PEBP4: variants seen among roughly 807,000 people sequenced by gnomAD.
PEBP4 encodes the protein phosphatidylethanolamine binding protein 4.
PEBP4 carries 22 observed loss-of-function variants against 23.9 expected under a neutral mutation model. The ratio of observed to expected loss-of-function variants is 0.92; its 90% CI spans 0.66 to 1.31. PEBP4 has a LOEUF of 1.31. Ranked by LOEUF, PEBP4 falls within the 40% of genes most tolerant of loss-of-function variation. The pLI, the probability that PEBP4 is intolerant of heterozygous loss-of-function variation, is 0.00. For synonymous variants in PEBP4, 112 were observed against 99.3 expected, an observed-to-expected ratio of 1.13 and a Z score of -0.76; for missense variants, 324 against 281.7, an observed-to-expected ratio of 1.15 and a Z score of -1.07.
chr8:22,762,130 G>A (rs570501845), intron 4 of PEBP4, among the ~76,000 whole-genome samples: 17 of 152,066 alleles, frequency 1.1e-4, no homozygotes, highest in Admixed American at 2.6e-4. Flanking sequence ...AAAAAAATGG[G>A]TGAAACAATA....
intron 3 of PEBP4, among the ~76,000 whole-genome samples, chr8:22,910,023 G>T (rs2457421): frequency 0.81 from 123,685 of 152,096 alleles, 53,322 homozygotes; most frequent in East Asian, 0.97. Context: ...ACTAATGTCC[G>T]CCAGGTTGTG....
At chr8:22,777,574 C>G (rs1447063487) in intron 4 of PEBP4, among the ~76,000 whole-genome samples, 1 of 152,148 alleles carries the variant, frequency 6.6e-6, no homozygotes, top group Non-Finnish European at 1.5e-5. Flanking sequence ...GGACACTTAC[C>G]CCCTGGCTGC....
chr8:22,896,051 T>C (rs1372371984), intron 3 of PEBP4: 2 of 152,228 alleles, frequency 1.3e-5, no homozygotes, highest in South Asian at 2.1e-4. Flanking sequence ...GTTGCTGGTA[T>C]TGTGGTTGGA....
intron 4 of PEBP4, among the ~76,000 whole-genome samples, chr8:22,738,617 A>G (rs1804921313): frequency 1.3e-5 from 2 of 152,098 alleles, no homozygotes; most frequent in African/African-American, 4.8e-5. Context: ...AGGGCCAGGG[A>G]TGGGAGAGCA....
chr8:22,794,673 G>C (rs1299624715), intron 4 of PEBP4, among the ~76,000 whole-genome samples: 2 of 152,088 alleles, frequency 1.3e-5, no homozygotes, highest in Non-Finnish European at 2.9e-5. Flanking sequence ...TTTTTTCAAT[G>C]TGCTGCTTGC....
chr8:22,874,270 T>G (rs1808073700), intron 3 of PEBP4, among the ~76,000 whole-genome samples: 1 of 152,198 alleles, frequency 6.6e-6, no homozygotes, highest in Non-Finnish European at 1.5e-5. Context: ...AAAAAAATTA[T>G]TATTTCAATT....
At chr8:22,896,412 G>T (rs1563252820) in intron 3 of PEBP4, among the ~76,000 whole-genome samples, 1 of 152,130 alleles carries the variant, frequency 6.6e-6, no homozygotes. Context: ...CAGGCTAAGG[G>T]GAGTCTTCCC....
At chr8:22,743,480 G>A (rs11776116) in intron 4 of PEBP4, among the ~76,000 whole-genome samples, 26,465 of 152,178 alleles carry the variant, frequency 0.17, 2,731 homozygotes, top group East Asian at 0.51. Flanking sequence ...AAACCAGAAG[G>A]GACCATCCTG....
At chr8:22,795,715 A>C (rs761073251) in intron 4 of PEBP4, among the ~76,000 whole-genome samples, 15 of 152,246 alleles carry the variant, frequency 9.9e-5, no homozygotes, top group Non-Finnish European at 2.1e-4. Context: ...TGAACTTATG[A>C]TGTATCTCTC....
intron 6 of PEBP4, among the ~76,000 whole-genome samples, chr8:22,717,527 C>A (rs543345370): frequency 9.2e-5 from 14 of 152,346 alleles, no homozygotes; most frequent in South Asian, 6.2e-4. Flanking sequence ...AGGCTCCCCC[C>A]ACCCCAGCTC....
Position 22,719,146 on chromosome 8 carries a change from G to A in PEBP4, c.518-5610C>T, listed in dbSNP as rs551021668. Among the ~76,000 whole-genome samples, 50 of 152,308 alleles carry A rather than the reference G, an allele frequency of 3.3e-4. 1 individual carries two copies. Among genetic ancestry groups the A allele is most frequent in the African/African-American group, 1.1e-3 (46 of 41,564 alleles). On this transcript the variant is annotated intron_variant, in intron 6 of 6. Transcript: ENST00000256404. ...TTGGGTGCCTGTGGTGCTAGGGAGC[G>A]GCTTATGGCTGCCTGGCCCAGGACT...
intron 3 of PEBP4, among the ~76,000 whole-genome samples, chr8:22,895,267 A>T (rs1046043372): frequency 6.6e-6 from 1 of 152,162 alleles, no homozygotes; most frequent in Admixed American, 6.5e-5. Context: ...TATACTAAAT[A>T]AAGCTAAGGT....
intron 3 of PEBP4, among the ~76,000 whole-genome samples, chr8:22,875,313 C>T (rs1423116306): frequency 1.3e-5 from 2 of 151,924 alleles, no homozygotes; most frequent in African/African-American, 4.8e-5. Context: ...TTCTTTTTCC[C>T]CTTTCTTCTT....
At chr8:22,869,568 G>A (rs1807968932) in intron 3 of PEBP4, among the ~76,000 whole-genome samples, 1 of 152,188 alleles carries the variant, frequency 6.6e-6, no homozygotes, top group Admixed American at 6.5e-5. Flanking sequence ...TCTTTCATAA[G>A]GAGCTGTGAA....
At chr8:22,814,722 C>T (rs189189690) in intron 4 of PEBP4, among the ~76,000 whole-genome samples, 1 of 152,246 alleles carries the variant, frequency 6.6e-6, no homozygotes, top group African/African-American at 2.4e-5. Context: ...GCAGGCTTTC[C>T]TACTAAGGCT....
At chr8:22,883,760 G>A (rs1232514286) in intron 3 of PEBP4, among the ~76,000 whole-genome samples, 1 of 152,110 alleles carries the variant, frequency 6.6e-6, no homozygotes, top group Non-Finnish European at 1.5e-5. Flanking sequence ...ATTATAATAT[G>A]GTACACTGAA....
At chr8:22,836,411 T>C (rs1807206043) in intron 3 of PEBP4, among the ~76,000 whole-genome samples, 1 of 152,244 alleles carries the variant, frequency 6.6e-6, no homozygotes, top group African/African-American at 2.4e-5. Context: ...GTGTTGCAAA[T>C]TCCTGCACAC....
chr8:22,807,256 G>A (rs913763143), intron 4 of PEBP4, among the ~76,000 whole-genome samples: 1 of 152,180 alleles, frequency 6.6e-6, no homozygotes, highest in South Asian at 2.1e-4. Context: ...GTCCGCAGAG[G>A]CCTAGAAGGT....
chr8:22,840,472 GC>G (rs1207294349), intron 3 of PEBP4, among the ~76,000 whole-genome samples: 1 of 151,530 alleles, frequency 6.6e-6, no homozygotes, highest in Admixed American at 6.6e-5. Flanking sequence ...AACTCCTTGG[GC>G]CCAAGCAATC....
Sources: gnomAD v4.1 joint callset for allele counts (sites outside exome capture counted in the v4.1 genomes callset) on GRCh38, gnomAD v4.1.1 for gene constraint, MANE v1.5 for transcripts, NCBI Gene and HGNC (gene_info 2026-07-23, HGNC 2026-07-21) for gene names.